The following RAP1GAP2 variants were observed in gnomAD, a reference collection of about 807,000 sequenced individuals.
RAP1GAP2 encodes the protein RAP1 GTPase activating protein 2, also known as rap1 GTPase-activating protein 2.
A neutral mutation model predicts 95.0 loss-of-function variants in RAP1GAP2; 27 were observed. The observed-to-expected ratio is 0.28, with a 90% CI of 0.21 to 0.39. The LOEUF is 0.39. Among genes scored for constraint, RAP1GAP2 ranks in the 10% least tolerant of loss-of-function variants. The probability of loss-of-function intolerance (pLI) is 1.00; values close to 1 mark genes in which losing one functional copy is unlikely to be tolerated. For synonymous variants in RAP1GAP2, 373 were observed against 380.9 expected, an observed-to-expected ratio of 0.98 and a Z score of 0.24; for missense variants, 771 against 970.0, an observed-to-expected ratio of 0.79 and a Z score of 2.72.
At chr17:3,026,321 G>A (rs1359328907) in intron 20 of RAP1GAP2, 29 bp from the exon 21 acceptor site, 5 of 1,525,484 alleles carry the variant, frequency 3.3e-6, no homozygotes, top group African/African-American at 2.8e-5. Flanking sequence ...CGTGTGACCC[G>A]GGCTGGCCTC....
intron 19 of RAP1GAP2, among the ~76,000 whole-genome samples, chr17:3,022,341 G>A (rs2046988953): frequency 6.6e-6 from 1 of 152,170 alleles, no homozygotes; most frequent in South Asian, 2.1e-4. Flanking sequence ...AACTACTTTG[G>A]AAAACAGTCT....
At chr17:2,773,220 G>A (rs1204918486), upstream of RAP1GAP2, among the ~76,000 whole-genome samples, 1 of 152,142 alleles carries the variant, frequency 6.6e-6, no homozygotes, top group Non-Finnish European at 1.5e-5. Context: ...TCCAGAGTCA[G>A]CAGTTATTAA....
chr17:2,862,867 T>C (rs1012314354), intron 2 of RAP1GAP2, among the ~76,000 whole-genome samples: 1 of 151,502 alleles, frequency 6.6e-6, no homozygotes, highest in African/African-American at 2.4e-5. Flanking sequence ...CGTGGTGGCG[T>C]GCGCCTGTAA....
chr17:2,899,533 T>G (rs1158392782), intron 2 of RAP1GAP2, among the ~76,000 whole-genome samples: 1 of 146,450 alleles, frequency 6.8e-6, no homozygotes, highest in African/African-American at 2.6e-5. Flanking sequence ...TTTTTTGAGG[T>G]GGAGTCTCGC....
Position 2,963,799 on chromosome 17 carries a change from G to T in RAP1GAP2, c.280-57G>T. 7.0e-7 allele frequency: 1 copy of T among 1,426,766 alleles called. No individual in the cohort carries two copies. The highest frequency in any genetic ancestry group is 1.3e-5 in the South Asian group (1 of 74,404). 88.4% of individuals were successfully genotyped at this position (1,426,766 alleles called of 1,614,324 possible). On this transcript the variant is annotated intron_variant, in intron 6 of 24. Coordinates refer to ENST00000254695, the MANE Select transcript of RAP1GAP2 (RefSeq NM_015085.5). The surrounding 1 kb of genome is among the most constrained non-coding windows in gnomAD (Gnocchi z 4.8). Reference sequence around the variant, plus strand: ...GCAGCGCAGAGGGGACACCGCCACCGGCCCCCTCCCTCCCCTGCGGTCCCA... The same window carrying T: ...GCAGCGCAGAGGGGACACCGCCACCTGCCCCCTCCCTCCCCTGCGGTCCCA...
chr17:2,903,558 A>G lies in RAP1GAP2; in HGVS notation c.81-1726A>G, dbSNP rs2042093243. The stretch of plus-strand genomic sequence containing the variant: ...CCTGCTGGTTTCTTGAGCCAGTTAC[A>G]GCCTGGATCAGGCGGGAGAGTCCCC... On this transcript the variant is annotated intron_variant, in intron 2 of 24. Transcript: ENST00000254695. The surrounding 1 kb of genome is among the most constrained non-coding windows in gnomAD (Gnocchi z 4.1). Among the ~76,000 whole-genome samples, 1 of 152,208 alleles carries G rather than the reference A, an allele frequency of 6.6e-6. No individual in the cohort carries two copies. The highest frequency in any genetic ancestry group is 2.4e-5 in the African/African-American group (1 of 41,452).
intron 3 of RAP1GAP2, among the ~76,000 whole-genome samples, chr17:2,934,656 T>C (rs888546415): frequency 6.6e-6 from 1 of 152,230 alleles, no homozygotes; most frequent in Admixed American, 6.5e-5. Flanking sequence ...TCGAAGACAC[T>C]TTCTTCCCTC....
At chr17:3,013,470 C>G (rs1184220334) in intron 17 of RAP1GAP2, among the ~76,000 whole-genome samples, 2 of 152,116 alleles carry the variant, frequency 1.3e-5, no homozygotes, top group African/African-American at 4.8e-5. Context: ...CTTGCATTTG[C>G]CCCGCTAGAG....
At chr17:2,896,397 G>A (rs749829425) in intron 2 of RAP1GAP2, among the ~76,000 whole-genome samples, 3 of 152,176 alleles carry the variant, frequency 2.0e-5, no homozygotes, top group African/African-American at 4.8e-5. Flanking sequence ...GGTGGAGCTG[G>A]CTTTCCCATG....
chr17:2,947,898 T>G, intron 3 of RAP1GAP2, among the ~76,000 whole-genome samples: 1 of 152,138 alleles, frequency 6.6e-6, no homozygotes, highest in Admixed American at 6.5e-5. Context: ...CTGACCTGTT[T>G]GCTTCTCCCC....
chr17:2,981,030 T>C (rs531856327), intron 9 of RAP1GAP2, among the ~76,000 whole-genome samples, 165 bp from the exon 10 acceptor site: 54 of 152,214 alleles, frequency 3.5e-4, no homozygotes, highest in African/African-American at 1.2e-3. Context: ...GAAAGGGCGG[T>C]TGACTTGCCT....
chr17:2,818,069 C>A (rs897064634), intron 2 of RAP1GAP2, among the ~76,000 whole-genome samples: 5 of 151,852 alleles, frequency 3.3e-5, no homozygotes, highest in African/African-American at 1.2e-4. Flanking sequence ...ATCTCCTGAC[C>A]TCGTGATCTG....
chr17:2,834,232 A>G (rs1597399210), intron 2 of RAP1GAP2, among the ~76,000 whole-genome samples: 1 of 152,170 alleles, frequency 6.6e-6, no homozygotes, highest in South Asian at 2.1e-4. Context: ...ATCCTATCCC[A>G]GTTCTTAAGA....
In RAP1GAP2 at chr17:3,026,377, C is replaced by T. The variant is rs1165188121; in HGVS notation, c.1893C>T (p.Gly631=). Residue 631 remains glycine (G), a synonymous_variant, in exon 21 of 25, where the codon GGC becomes GGT. Transcript: ENST00000254695. ...CCTTCATGAAGTTGAAGGAAAACGG[C>T]CGTGCCATCTCCCGCTCCTCCTCCA... ...EKPFMKLKEN[G]RAISRSSSST... 1 of 1,552,110 alleles carries T rather than the reference C, an allele frequency of 6.4e-7. No individual in the cohort carries two copies. Among genetic ancestry groups the T allele is most frequent in the South Asian group, 1.2e-5 (1 of 84,084 alleles).
chr17:2,790,613 G>A (rs1284107275), intron 1 of RAP1GAP2, among the ~76,000 whole-genome samples: 1 of 152,206 alleles, frequency 6.6e-6, no homozygotes, highest in African/African-American at 2.4e-5. Context: ...CTGTCTGGAT[G>A]GGGGAGGATC....
intron 10 of RAP1GAP2, 29 bp from the exon 11 acceptor site, chr17:2,984,954 G>T (rs776672252): frequency 1.9e-6 from 3 of 1,592,140 alleles, no homozygotes; most frequent in South Asian, 1.1e-5. Flanking sequence ...AACAAATGTT[G>T]ATTTTTTTTT....
intron 2 of RAP1GAP2, among the ~76,000 whole-genome samples, chr17:2,815,408 T>A (rs764057769): frequency 5.9e-5 from 9 of 151,852 alleles, no homozygotes; most frequent in Admixed American, 1.3e-4. Flanking sequence ...GGGAACAGAG[T>A]GCCTGGTACC....
At chr17:2,811,801 A>G (rs184036986) in intron 2 of RAP1GAP2, among the ~76,000 whole-genome samples, 14 of 152,070 alleles carry the variant, frequency 9.2e-5, no homozygotes, top group African/African-American at 3.1e-4. Context: ...CTGGTCCCGA[A>G]CTCCTGACCT....
In RAP1GAP2 at chr17:2,855,812, C is replaced by T. The variant is rs903761132; in HGVS notation, c.81-49472C>T. Among the ~76,000 whole-genome samples the T allele has an allele frequency of 8.5e-5, 13 of 152,152 alleles. No individual in the cohort carries two copies. The highest frequency in any genetic ancestry group is 3.1e-4 in the African/African-American group (13 of 41,436). ...TATTTTAGTAGAGACGGGGGTTTCACCATGTTGCCCAGGGTGGTCTCAAAC... is the reference window on the plus strand; with the variant it reads ...TATTTTAGTAGAGACGGGGGTTTCATCATGTTGCCCAGGGTGGTCTCAAAC... On this transcript the variant is annotated intron_variant, in intron 2 of 24. Transcript: ENST00000254695. The surrounding 1 kb of genome is among the most constrained non-coding windows in gnomAD (Gnocchi z 4.3).
Sources: gnomAD v4.1 joint callset for allele counts (sites outside exome capture counted in the v4.1 genomes callset) on GRCh38, gnomAD v4.1.1 for gene constraint, Gnocchi (gnomAD v3.1) non-coding constraint, MANE v1.5 for transcripts, NCBI Gene and HGNC (gene_info 2026-07-23, HGNC 2026-07-21) for gene names.